PARPBP: variants seen among roughly 807,000 people sequenced by gnomAD.
The protein encoded by PARPBP is PCNA-interacting partner.
Under a neutral mutation model 50.0 loss-of-function variants are expected in PARPBP, and 52 were observed. The ratio of observed to expected loss-of-function variants is 1.04; its 90% CI spans 0.83 to 1.31. PARPBP has a LOEUF of 1.31. PARPBP is among the 50% of genes most tolerant of loss of function. The pLI, the probability that PARPBP is intolerant of heterozygous loss-of-function variation, is 0.00. For synonymous variants in PARPBP, 244 were observed against 232.1 expected (o/e 1.05, Z -0.47); for missense variants, 697 against 672.0 (o/e 1.04, Z -0.41).
At chr12:102,170,941 G>A (rs992496214) in intron 6 of PARPBP, among the ~76,000 whole-genome samples, 1 of 23,946 alleles carries the variant, frequency 4.2e-5, no homozygotes, top group African/African-American at 1.5e-4. Context: ...AAACTTTTTT[G>A]TTTAAAATTA....
chr12:102,126,147 G>A (rs1565847689), intron 2 of PARPBP, among the ~76,000 whole-genome samples: 1 of 152,172 alleles, frequency 6.6e-6, no homozygotes, highest in Non-Finnish European at 1.5e-5. Context: ...TTGGCTTTAT[G>A]TGGCGGGGTG....
At chr12:102,154,085 T>C in intron 4 of PARPBP, 109 bp downstream of exon 4, 1 of 638,922 alleles carries the variant, frequency 1.6e-6, no homozygotes, top group Non-Finnish European at 2.8e-6. Flanking sequence ...TTTTAACAAA[T>C]CTTTAGTATG....
rs188329554 is a variant in PARPBP at position 102,150,169 on chromosome 12, A to T, written c.387+1706A>T. ...ATCGTGTCATCAGGAGTAAAATTGA[A>T]GCTGCTAAGATGGTAGTACATGAAG... On this transcript the variant is annotated intron_variant, in intron 3 of 10. Coordinates refer to ENST00000327680, the MANE Select transcript of PARPBP (RefSeq NM_017915.5). 2.5e-5 allele frequency: 11 copies of T among 444,964 alleles called. No individual in the cohort carries two copies. In the Admixed American group the frequency reaches 2.7e-4, roughly 11 times the overall value. The allele number at this position is 444,964 out of a possible 1,614,324, so 27.6% of individuals were successfully genotyped here.
chr12:102,147,671 T>A (rs966932492), intron 2 of PARPBP, among the ~76,000 whole-genome samples: 1 of 152,070 alleles, frequency 6.6e-6, no homozygotes, highest in Non-Finnish European at 1.5e-5. Context: ...CATATGTAAC[T>A]AACCTGCACA....
intron 9 of PARPBP, among the ~76,000 whole-genome samples, chr12:102,190,269 G>A (rs1890676412): frequency 6.6e-6 from 1 of 151,892 alleles, no homozygotes; most frequent in Non-Finnish European, 1.5e-5. Flanking sequence ...GTTATAGTCT[G>A]TTGTAATTTT....
At chr12:102,126,366 A>G (rs1881995624) in intron 2 of PARPBP, among the ~76,000 whole-genome samples, 1 of 152,188 alleles carries the variant, frequency 6.6e-6, no homozygotes, top group Non-Finnish European at 1.5e-5. Flanking sequence ...TCTCTTTTAT[A>G]GACTATTTAG....
rs1891355720 is a variant in PARPBP at position 102,196,866 on chromosome 12, C to T, written c.*575C>T. 1 of 1,098,528 alleles carries T rather than the reference C, an allele frequency of 9.1e-7. No individual in the cohort carries two copies. Among genetic ancestry groups the T allele is most frequent in the Non-Finnish European group, 1.3e-6 (1 of 743,024 alleles). The allele number at this position is 1,098,528 out of a possible 1,614,324, so 68.0% of individuals were successfully genotyped here. A position where few individuals can be genotyped will look rare whatever the true frequency, so the allele number is the denominator to read the frequency against. On this transcript the variant is annotated 3_prime_UTR_variant, in exon 11 of 11. Coordinates refer to ENST00000327680, the MANE Select transcript of PARPBP (RefSeq NM_017915.5). ...ACATTTTTGGCAGGTGTAATTGAGC[C>T]ATGGTCTTATTTGATTTTGTTATGA...
intron 3 of PARPBP, among the ~76,000 whole-genome samples, chr12:102,152,183 G>C (rs921010791): frequency 6.6e-6 from 1 of 152,226 alleles, no homozygotes; most frequent in African/African-American, 2.4e-5. Flanking sequence ...CTTGTTGCTA[G>C]AGTGGAATAA....
At chr12:102,131,338 A>T (rs1882825125) in intron 2 of PARPBP, among the ~76,000 whole-genome samples, 1 of 152,170 alleles carries the variant, frequency 6.6e-6, no homozygotes, top group Non-Finnish European at 1.5e-5. Context: ...AGAAAAAACA[A>T]AAGAGGTACT....
At chr12:102,149,113 A>C (rs1339754657) in intron 3 of PARPBP, 1 of 152,192 alleles carries the variant, frequency 6.6e-6, no homozygotes, top group Non-Finnish European at 1.5e-5. Context: ...TTGAACATTT[A>C]CTGAGTGCCA....
rs531085759 is a variant in PARPBP, at chr12:102,157,525, A to G, written c.495+3549A>G. ...TGTTTCTCTATTTGCTGTATTTCCA[A>G]TAAACTGGAAGTGATATCTGAAATC... is the stretch of plus-strand genomic sequence containing the variant. On this transcript the variant is annotated intron_variant, in intron 4 of 10. Coordinates refer to ENST00000327680, the MANE Select transcript of PARPBP (RefSeq NM_017915.5). Among the ~76,000 whole-genome samples, 3 of 151,876 alleles carry G rather than the reference A, an allele frequency of 2.0e-5. No individual in the cohort carries two copies. In the South Asian group the frequency reaches 6.2e-4, roughly 32 times the overall value.
At chr12:102,124,701 A>G (rs1881694056) in intron 2 of PARPBP, among the ~76,000 whole-genome samples, 1 of 152,240 alleles carries the variant, frequency 6.6e-6, no homozygotes, top group Non-Finnish European at 1.5e-5. Context: ...GAACTTGGCA[A>G]AGATACTGGC....
chr12:102,175,067 T>A (rs1461538274), intron 6 of PARPBP, among the ~76,000 whole-genome samples: 1 of 152,200 alleles, frequency 6.6e-6, no homozygotes, highest in Non-Finnish European at 1.5e-5. Flanking sequence ...GATGTAGGGA[T>A]AATAATATCA....
Position 102,195,294 on chromosome 12 carries a change from C to T in PARPBP, c.1264-18C>T. On this transcript the variant is annotated intron_variant, in intron 9 of 10. Coordinates refer to ENST00000327680, the MANE Select transcript of PARPBP (RefSeq NM_017915.5). ...AATGAATAAATTTGCATATTTTCTT[C>T]TTTCTTTCTGTTACTAGATGAAGCA... 6.9e-7 allele frequency: 1 copy of T among 1,446,050 alleles called. No individual in the cohort carries two copies. Among genetic ancestry groups the T allele is most frequent in the Middle Eastern group, 1.8e-4 (1 of 5,652 alleles). 89.6% of individuals were successfully genotyped at this position (1,446,050 alleles called of 1,614,324 possible). A position where few individuals can be genotyped will look rare whatever the true frequency, so the allele number is the denominator to read the frequency against.
chr12:102,129,763 T>C (rs1405900398), intron 2 of PARPBP, among the ~76,000 whole-genome samples: 3 of 152,206 alleles, frequency 2.0e-5, no homozygotes, highest in African/African-American at 7.2e-5. Context: ...ATTCTTTTTA[T>C]GGCAATTGTG....
chr12:102,151,851 G>A (rs1446823709), intron 3 of PARPBP: 3 of 1,325,340 alleles, frequency 2.3e-6, no homozygotes, highest in Non-Finnish European at 3.1e-6. Flanking sequence ...AAGCCACCTG[G>A]CACCAACTCA....
intron 1 of PARPBP, among the ~76,000 whole-genome samples, chr12:102,121,830 C>T (rs547366601): frequency 6.6e-6 from 1 of 152,244 alleles, no homozygotes; most frequent in Admixed American, 6.5e-5. Context: ...AACCACCATG[C>T]CCAGGCAATG....
chr12:102,167,568 G>T (rs1387495148), intron 6 of PARPBP, among the ~76,000 whole-genome samples: 1 of 152,104 alleles, frequency 6.6e-6, no homozygotes, highest in Non-Finnish European at 1.5e-5. Context: ...TGGCTCTTTT[G>T]TTGGAGACTT....
At chr12:102,179,131 TTATAAG>T (rs1889579526) in intron 8 of PARPBP, among the ~76,000 whole-genome samples, 1 of 152,176 alleles carries the variant, frequency 6.6e-6, no homozygotes, top group South Asian at 2.1e-4. Flanking sequence ...AGGCTCCACT[TTATAAG>T]TGAAGAATTA....
Sources: allele counts gnomAD v4.1 joint callset (sites outside exome capture counted in the v4.1 genomes callset), GRCh38; gene constraint gnomAD v4.1.1; transcripts MANE v1.5; gene names NCBI Gene and HGNC (gene_info 2026-07-23, HGNC 2026-07-21).